TENM4: variants seen among roughly 807,000 people sequenced by gnomAD.
TENM4 encodes the protein teneurin transmembrane protein 4.
Under a neutral mutation model 243.3 loss-of-function variants are expected in TENM4, and 82 were observed. The ratio of observed to expected loss-of-function variants is 0.34; its 90% CI spans 0.28 to 0.40. The LOEUF is 0.40. Ranked by LOEUF, TENM4 falls within the 10% of genes least tolerant of loss-of-function variation. The probability of loss-of-function intolerance (pLI) is 1.00; values close to 1 mark genes in which losing one functional copy is unlikely to be tolerated. For synonymous variants in TENM4, 1,412 were observed against 1,456.3 expected (o/e 0.97, Z 0.69); for missense variants, 3,138 against 3,673.3 (o/e 0.85, Z 3.77).
At chr11:78,799,127 T>A (rs1467618380) in intron 15 of TENM4, among the ~76,000 whole-genome samples, 1 of 152,170 alleles carries the variant, frequency 6.6e-6, no homozygotes, top group Non-Finnish European at 1.5e-5. Flanking sequence ...TTCTCTGGAA[T>A]GGACCTCAGG....
rs558886752 is a variant in TENM4 at position 79,164,135 on chromosome 11, A to G, written c.-162-15329T>C. On this transcript the variant is annotated intron_variant, in intron 3 of 33. Coordinates refer to ENST00000278550, the MANE Select transcript of TENM4 (RefSeq NM_001098816.3). ...ACTATATATACTATGTATATATAGT[A>G]TATATGTATATATACAGTATATATA... is the stretch of plus-strand genomic sequence containing the variant. Among the ~76,000 whole-genome samples, 253 of 118,574 alleles carry G rather than the reference A, an allele frequency of 2.1e-3. 10 individuals are homozygous for G. In the South Asian group the frequency reaches 0.061, roughly 28 times the overall value. 77.8% of individuals were successfully genotyped at this position (118,574 alleles called of 152,430 possible). A position where few individuals can be genotyped will look rare whatever the true frequency, so the allele number is the denominator to read the frequency against.
chr11:78,750,002 C>T (rs557721327), intron 19 of TENM4, among the ~76,000 whole-genome samples: 29 of 152,174 alleles, frequency 1.9e-4, no homozygotes, highest in Middle Eastern at 6.8e-3. Context: ...TGTCAGAGCA[C>T]GTCTTCTGAC....
At chr11:79,192,081 G>C (rs1487750269) in intron 3 of TENM4, among the ~76,000 whole-genome samples, 1 of 146,940 alleles carries the variant, frequency 6.8e-6, no homozygotes, top group Non-Finnish European at 1.5e-5. Context: ...CGTCCCGTCC[G>C]GGAGGGAGGT....
intron 1 of TENM4, among the ~76,000 whole-genome samples, chr11:79,406,380 G>C (rs970327487): frequency 1.3e-5 from 2 of 152,148 alleles, no homozygotes; most frequent in African/African-American, 4.8e-5. Flanking sequence ...AAATGAATAT[G>C]ATGAACAAAA....
At chr11:78,989,988 C>T (rs1057471355) in intron 6 of TENM4, among the ~76,000 whole-genome samples, 16 of 151,510 alleles carry the variant, frequency 1.1e-4, no homozygotes, top group Admixed American at 3.3e-4. Flanking sequence ...CACCTGAGCC[C>T]GGGGAAGTCG....
intron 2 of TENM4, among the ~76,000 whole-genome samples, chr11:79,250,089 A>G (rs1855584208): frequency 6.6e-6 from 1 of 152,112 alleles, no homozygotes; most frequent in African/African-American, 2.4e-5. Flanking sequence ...CTGTTCAAGC[A>G]ACTCTCCTGC....
At chr11:79,407,180 G>A (rs1476103231) in intron 1 of TENM4, among the ~76,000 whole-genome samples, 2 of 152,098 alleles carry the variant, frequency 1.3e-5, no homozygotes, top group African/African-American at 2.4e-5. Flanking sequence ...GAATATTGAT[G>A]GTCTCTTCCA....
intron 1 of TENM4, among the ~76,000 whole-genome samples, chr11:79,332,834 A>G (rs528133): frequency 0.36 from 54,858 of 151,908 alleles, 10,185 homozygotes; most frequent in South Asian, 0.55. Context: ...CTCTGGTGCC[A>G]GGGATCTCAC....
chr11:78,752,203 C>T (rs1162263406), intron 19 of TENM4, among the ~76,000 whole-genome samples: 1 of 152,198 alleles, frequency 6.6e-6, no homozygotes, highest in African/African-American at 2.4e-5. Flanking sequence ...CTGTGCGGGG[C>T]CCTGGGGACA....
chr11:79,434,137 G>C (rs1313460261), intron 1 of TENM4, among the ~76,000 whole-genome samples: 2 of 152,208 alleles, frequency 1.3e-5, no homozygotes, highest in Non-Finnish European at 2.9e-5. Flanking sequence ...AACGGCAAAA[G>C]CACCCTCTGA....
chr11:79,110,579 C>G (rs7931022), intron 4 of TENM4, among the ~76,000 whole-genome samples: 36,120 of 152,114 alleles, frequency 0.24, 4,939 homozygotes, highest in African/African-American at 0.39. Flanking sequence ...CAGTGCTGGC[C>G]TAGGAGGGAA....
At chr11:78,958,658 A>G (rs980423165) in intron 6 of TENM4, among the ~76,000 whole-genome samples, 2 of 152,160 alleles carry the variant, frequency 1.3e-5, no homozygotes, top group Non-Finnish European at 2.9e-5. Flanking sequence ...CTCAGGCTGG[A>G]GTTGACACAG....
intron 1 of TENM4, among the ~76,000 whole-genome samples, chr11:79,298,586 C>A (rs1357913139): frequency 6.6e-6 from 1 of 150,458 alleles, no homozygotes. Flanking sequence ...TCACAGATAC[C>A]CTTTTTAACT....
At chr11:78,809,476 C>T (rs1488189774) in intron 14 of TENM4, among the ~76,000 whole-genome samples, 1 of 152,206 alleles carries the variant, frequency 6.6e-6, no homozygotes, top group Non-Finnish European at 1.5e-5. Context: ...CACAATGATG[C>T]TCTGCCAAAG....
At chr11:78,706,181 C>A (rs1388214259) in intron 27 of TENM4, among the ~76,000 whole-genome samples, 1 of 151,994 alleles carries the variant, frequency 6.6e-6, no homozygotes, top group Admixed American at 6.6e-5. Flanking sequence ...TTATTCTGTA[C>A]CCCCATTTCT....
At chr11:79,298,145 C>A (rs1481868696) in intron 1 of TENM4, among the ~76,000 whole-genome samples, 1 of 152,110 alleles carries the variant, frequency 6.6e-6, no homozygotes, top group East Asian at 1.9e-4. Flanking sequence ...GTGGTCAGGT[C>A]TCTGACAGGC....
At position 78,708,406 on chromosome 11, in the gene TENM4, T is replaced by C. The variant is rs767377855; in HGVS notation, c.4164A>G (p.Thr1388=). ...AATCACAGCTGAGTGGCCGGGCTGATGTGAGATCATTAGAGCCGAGCAGGG... is the reference window on the plus strand; with the variant it reads ...AATCACAGCTGAGTGGCCGGGCTGACGTGAGATCATTAGAGCCGAGCAGGG... The part of the protein sequence containing the change: ...ISTLLGSNDL[T]SARPLSCDSV... The change falls in exon 27 of 34, where the codon ACA becomes ACG. Residue 1388 remains threonine, a synonymous_variant. Coordinates refer to ENST00000278550, the MANE Select transcript of TENM4 (RefSeq NM_001098816.3). The C allele has an allele frequency of 6.3e-5, 101 of 1,614,058 alleles. No individual in the cohort carries two copies. The highest frequency in any genetic ancestry group is 6.7e-5 in the Non-Finnish European group (79 of 1,179,900).
intron 1 of TENM4, among the ~76,000 whole-genome samples, chr11:79,409,062 G>T (rs77277137): frequency 1.5e-3 from 96 of 62,158 alleles, no homozygotes; most frequent in African/African-American, 6.3e-3. Flanking sequence ...GGGATATTTT[G>T]TGTGTGTGTG....
chr11:78,790,224 C>A (rs1857024900), intron 15 of TENM4, among the ~76,000 whole-genome samples: 1 of 152,160 alleles, frequency 6.6e-6, no homozygotes. Flanking sequence ...CTCATGCCTG[C>A]ACCTTTTTGC....
Sources: allele counts gnomAD v4.1 joint callset (sites outside exome capture counted in the v4.1 genomes callset), GRCh38; gene constraint gnomAD v4.1.1; transcripts MANE v1.5; gene names NCBI Gene and HGNC (gene_info 2026-07-23, HGNC 2026-07-21).